The following CCDC138 variants were observed in gnomAD, a reference collection of about 807,000 sequenced individuals.
CCDC138 encodes the protein coiled-coil domain-containing protein 138.
A neutral mutation model predicts 82.3 loss-of-function variants in CCDC138; 66 were observed. That is an observed-to-expected ratio of 0.80 (90% CI 0.66 to 0.98). The LOEUF (loss-of-function observed/expected upper bound fraction) is 0.98. Ranked by LOEUF, CCDC138 falls within the 50% of genes least tolerant of loss-of-function variation. The pLI, the probability that CCDC138 is intolerant of heterozygous loss-of-function variation, is 0.00. For missense variants in CCDC138, 816 were observed against 758.9 expected (o/e 1.08, Z -0.88); for synonymous variants, 297 against 265.4 (o/e 1.12, Z -1.16).
At chr2:108,857,981 AAATTTG>A (rs1692902585) in intron 13 of CCDC138, among the ~76,000 whole-genome samples, 1 of 152,244 alleles carries the variant, frequency 6.6e-6, no homozygotes, top group Non-Finnish European at 1.5e-5. Flanking sequence ...CTGCAAATGC[AAATTTG>A]AATAAAGTCT....
intron 12 of CCDC138, among the ~76,000 whole-genome samples, chr2:108,854,364 A>G (rs1256809272): frequency 1.3e-5 from 2 of 151,546 alleles, no homozygotes; most frequent in East Asian, 1.9e-4. Context: ...TAGCTTCACT[A>G]CTAGCTGTGT....
intron 5 of CCDC138, among the ~76,000 whole-genome samples, chr2:108,796,995 T>C (rs925584028): frequency 6.6e-6 from 1 of 152,142 alleles, no homozygotes; most frequent in African/African-American, 2.4e-5. Context: ...AAAGAAAGAA[T>C]AAATGTTTGA....
intron 6 of CCDC138, among the ~76,000 whole-genome samples, chr2:108,804,140 G>T (rs988082760): frequency 2.0e-5 from 3 of 151,694 alleles, no homozygotes; most frequent in East Asian, 3.9e-4. Flanking sequence ...TATTTTCATC[G>T]TATTTATATC....
intron 11 of CCDC138, among the ~76,000 whole-genome samples, chr2:108,842,646 A>G (rs1304995232): frequency 3.3e-5 from 5 of 152,094 alleles, no homozygotes; most frequent in Non-Finnish European, 4.4e-5. Flanking sequence ...TAGCTATTCC[A>G]TAGGGAAGTG....
intron 5 of CCDC138, among the ~76,000 whole-genome samples, chr2:108,796,138 T>C (rs1053132944): frequency 1.3e-5 from 2 of 152,144 alleles, no homozygotes; most frequent in African/African-American, 4.8e-5. Flanking sequence ...AAGCTCCGCC[T>C]CCTGGGTTCA....
rs1464420616 is a variant in CCDC138 at position 108,858,692 on chromosome 2, AT to A, written c.1693+1729del. 2.7e-5 allele frequency among the ~76,000 whole-genome samples: 4 copies of A among 148,310 alleles called. 1 individual carries two copies. Among genetic ancestry groups the A allele is most frequent in the East Asian group, 4.0e-4 (2 of 4,996 alleles). ...ACCATATATTTAATTTTCTCATGCT[AT>A]TTTTTTCTTTTTTTTTTTAATTTTA... On this transcript the variant is annotated intron_variant, in intron 13 of 14. Transcript: ENST00000295124.
At chr2:108,878,518 C>G (rs1010270548), downstream of CCDC138, 1 of 215,018 alleles carries the variant, frequency 4.7e-6, no homozygotes, top group African/African-American at 2.3e-5. Context: ...TCACTGTCAT[C>G]TTACCATATC....
At position 108,788,077 on chromosome 2, in the gene CCDC138, C is replaced by CT. The variant is rs780643039; in HGVS notation, c.140dup (p.Thr48AsnfsTer5). 2 of 1,600,186 alleles carry CT rather than the reference C, an allele frequency of 1.2e-6. No individual in the cohort carries two copies. Among genetic ancestry groups the CT allele is most frequent in the Non-Finnish European group, 1.7e-6 (2 of 1,175,074 alleles). ...TCAGTCTAAGTATAAGAGAAGAACT[C>CT]TAACCTCCCCAGGTAAGCCGGTATT... On this transcript the variant is annotated frameshift_variant, in exon 2 of 15. Transcript: ENST00000295124. LOFTEE classifies it high-confidence loss of function.
At chr2:108,805,487 AG>A (rs1682704433) in intron 7 of CCDC138, among the ~76,000 whole-genome samples, 1 of 152,022 alleles carries the variant, frequency 6.6e-6, no homozygotes, top group South Asian at 2.1e-4. Context: ...GCACTTTGGG[AG>A]GCTGAGGTGG....
intron 11 of CCDC138, among the ~76,000 whole-genome samples, chr2:108,843,627 A>G (rs1185361950): frequency 6.6e-6 from 1 of 152,136 alleles, no homozygotes; most frequent in Non-Finnish European, 1.5e-5. Context: ...GGTTTCTGAT[A>G]AGAAATCTGT....
intron 7 of CCDC138, among the ~76,000 whole-genome samples, chr2:108,809,193 A>G (rs1204153213): frequency 2.6e-5 from 4 of 152,136 alleles, no homozygotes; most frequent in East Asian, 1.9e-4. Context: ...TTTTATGCCA[A>G]TACTATGCTG....
At chr2:108,842,138 C>T (rs1689595149) in intron 11 of CCDC138, among the ~76,000 whole-genome samples, 1 of 152,010 alleles carries the variant, frequency 6.6e-6, no homozygotes, top group African/African-American at 2.4e-5. Context: ...AGCAATCCTT[C>T]TGCCTCAGCC....
chr2:108,794,799 A>G, intron 5 of CCDC138, 78 bp downstream of exon 5: 27 of 531,036 alleles, frequency 5.1e-5, no homozygotes, highest in Non-Finnish European at 7.8e-5. Flanking sequence ...TTTGAATATA[A>G]TATATTTCAT....
Position 108,830,956 on chromosome 2 carries a change from C to G in CCDC138, c.1207-8229C>G, listed in dbSNP as rs369624047. Among the ~76,000 whole-genome samples the G allele has an allele frequency of 9.2e-5, 14 of 152,298 alleles. No individual in the cohort carries two copies. In the South Asian group the frequency reaches 1.5e-3, roughly 16 times the overall value. ...TTGGGATGCCGAGGCAGGCAGATCA[C>G]TTGAGGCCAGGAGTTCAAGACCAGC... On this transcript the variant is annotated intron_variant, in intron 10 of 14. Transcript: ENST00000295124.
At chr2:108,849,591 G>A (rs1371668058) in intron 12 of CCDC138, among the ~76,000 whole-genome samples, 1 of 151,982 alleles carries the variant, frequency 6.6e-6, no homozygotes, top group Non-Finnish European at 1.5e-5. Context: ...TGTTGTGAAC[G>A]ATTCTTTCTC....
chr2:108,833,276 A>G (rs988411041), intron 10 of CCDC138, among the ~76,000 whole-genome samples: 1 of 152,226 alleles, frequency 6.6e-6, no homozygotes, highest in Non-Finnish European at 1.5e-5. Context: ...CAGTGTTAAC[A>G]ACTGTAACAA....
At chr2:108,838,255 G>T (rs1472210211) in intron 10 of CCDC138, among the ~76,000 whole-genome samples, 3 of 152,172 alleles carry the variant, frequency 2.0e-5, no homozygotes, top group African/African-American at 7.2e-5. Flanking sequence ...GGCTGGTCCA[G>T]GGAGGGGCAA....
intron 12 of CCDC138, among the ~76,000 whole-genome samples, chr2:108,852,876 A>G (rs1691749199): frequency 6.6e-6 from 1 of 152,176 alleles, no homozygotes; most frequent in Non-Finnish European, 1.5e-5. Flanking sequence ...AAACCTGCAC[A>G]GGTACCCCTG....
At chr2:108,787,791 G>A (rs1679155214) in intron 1 of CCDC138, among the ~76,000 whole-genome samples, 1 of 152,062 alleles carries the variant, frequency 6.6e-6, no homozygotes, top group East Asian at 1.9e-4. Flanking sequence ...TTCTTCGTTA[G>A]ATTGATTATG....
Sources: gnomAD v4.1 joint callset for allele counts (sites outside exome capture counted in the v4.1 genomes callset) on GRCh38, gnomAD v4.1.1 for gene constraint, MANE v1.5 for transcripts, NCBI Gene and HGNC (gene_info 2026-07-23, HGNC 2026-07-21) for gene names.